SUPT3H: variants seen among roughly 807,000 people sequenced by gnomAD.
SUPT3H encodes the protein SPT3 homolog, SAGA and STAGA complex component.
Under a neutral mutation model 44.3 loss-of-function variants are expected in SUPT3H, and 44 were observed. The observed-to-expected ratio is 0.99, with a 90% CI of 0.78 to 1.28. The LOEUF is 1.28. SUPT3H is among the 50% of genes most tolerant of loss of function. The pLI, the probability that SUPT3H is intolerant of heterozygous loss-of-function variation, is 0.00. For synonymous variants in SUPT3H, 124 were observed against 125.6 expected, an observed-to-expected ratio of 0.99 and a Z score of 0.09; for missense variants, 380 against 387.1, an observed-to-expected ratio of 0.98 and a Z score of 0.15.
chr6:45,351,712 T>C (rs779205845), intron 2 of SUPT3H, among the ~76,000 whole-genome samples: 7 of 152,222 alleles, frequency 4.6e-5, no homozygotes, highest in Middle Eastern at 3.4e-3. Context: ...TTCTATTCTA[T>C]CCCTCCCAAC....
chr6:44,863,046 G>A (rs1307397845), intron 10 of SUPT3H, among the ~76,000 whole-genome samples: 1 of 152,010 alleles, frequency 6.6e-6, no homozygotes, highest in Non-Finnish European at 1.5e-5. Context: ...CCTAAAAACT[G>A]TTATAAAAAC....
At chr6:44,863,018 C>A (rs1774919214) in intron 10 of SUPT3H, among the ~76,000 whole-genome samples, 1 of 152,124 alleles carries the variant, frequency 6.6e-6, no homozygotes, top group South Asian at 2.1e-4. Flanking sequence ...TGTTAGGAAG[C>A]AAGAGAGCAA....
intron 11 of SUPT3H, among the ~76,000 whole-genome samples, chr6:44,812,902 CT>C (rs950925962): frequency 1.3e-5 from 2 of 152,092 alleles, no homozygotes; most frequent in Admixed American, 6.5e-5. Flanking sequence ...GCAATTTCCC[CT>C]TGAAGCATAT....
chr6:45,123,619 A>C (rs1801994003), intron 2 of SUPT3H, among the ~76,000 whole-genome samples: 1 of 152,106 alleles, frequency 6.6e-6, no homozygotes, highest in Non-Finnish European at 1.5e-5. Context: ...TATATATATA[A>C]TCTATTTTAA....
At chr6:44,912,355 A>T (rs757326495) in intron 10 of SUPT3H, among the ~76,000 whole-genome samples, 48 of 152,210 alleles carry the variant, frequency 3.2e-4, no homozygotes, top group Admixed American at 3.9e-4. Flanking sequence ...TGTCTGGCTT[A>T]TTTCACTTAG....
chr6:45,056,132 T>A (rs1188290407), intron 3 of SUPT3H, among the ~76,000 whole-genome samples: 1 of 152,098 alleles, frequency 6.6e-6, no homozygotes, highest in South Asian at 2.1e-4. Context: ...TGAGATACCA[T>A]GCCACTTTAC....
At chr6:44,847,958 CTTTTTTTTTTTTTT>C (rs969869912) in intron 10 of SUPT3H, among the ~76,000 whole-genome samples, 2 of 58,350 alleles carry the variant, frequency 3.4e-5, no homozygotes, top group African/African-American at 1.4e-4. Flanking sequence ...ATCTCTGTGT[CTTTTTTTTTTTTTT>C]TTTTTTTTTT....
chr6:45,333,272 A>T (rs1787881161), intron 2 of SUPT3H, among the ~76,000 whole-genome samples: 1 of 151,642 alleles, frequency 6.6e-6, no homozygotes, highest in South Asian at 2.1e-4. Flanking sequence ...CCTTATTAAA[A>T]GGGAGTTTCC....
intron 9 of SUPT3H, among the ~76,000 whole-genome samples, chr6:44,936,523 C>G (rs569502860): frequency 6.6e-6 from 1 of 152,256 alleles, no homozygotes; most frequent in East Asian, 1.9e-4. Context: ...CATTGTCTAT[C>G]ATTCCACACT....
chr6:44,880,901 C>T (rs1419351289), intron 10 of SUPT3H, among the ~76,000 whole-genome samples: 3 of 152,150 alleles, frequency 2.0e-5, no homozygotes, highest in South Asian at 2.1e-4. Flanking sequence ...ACCAGGCCTA[C>T]GTTACAAGAG....
chr6:44,809,756 G>A (rs556980057), intron 11 of SUPT3H, among the ~76,000 whole-genome samples: 2 of 152,078 alleles, frequency 1.3e-5, no homozygotes, highest in East Asian at 3.9e-4. Context: ...CTCCATAAAT[G>A]CCCCTCTTAA....
chr6:45,103,651 A>ATTCT (rs1354262182), intron 3 of SUPT3H, among the ~76,000 whole-genome samples: 2 of 152,200 alleles, frequency 1.3e-5, no homozygotes, highest in Non-Finnish European at 2.9e-5. Context: ...AGGGGCAGAA[A>ATTCT]AAGTTTGGAG....
At chr6:45,271,676 G>A (rs1776187054) in intron 2 of SUPT3H, among the ~76,000 whole-genome samples, 1 of 151,638 alleles carries the variant, frequency 6.6e-6, no homozygotes, top group South Asian at 2.1e-4. Context: ...TCCACACAGA[G>A]TACCTACTGC....
chr6:45,179,358 A>G (rs1233542714), intron 2 of SUPT3H, among the ~76,000 whole-genome samples: 2 of 152,136 alleles, frequency 1.3e-5, no homozygotes, highest in Admixed American at 1.3e-4. Context: ...AAAAGAGGGA[A>G]TCCTCCCTAA....
intron 2 of SUPT3H, among the ~76,000 whole-genome samples, chr6:45,318,819 T>G (rs1426191217): frequency 6.6e-6 from 1 of 152,122 alleles, no homozygotes; most frequent in East Asian, 1.9e-4. Context: ...CAAGAGATAG[T>G]GAAATAAATA....
intron 10 of SUPT3H, among the ~76,000 whole-genome samples, chr6:44,833,878 C>A (rs1226149468): frequency 1.3e-5 from 2 of 152,154 alleles, no homozygotes; most frequent in African/African-American, 4.8e-5. Flanking sequence ...GGGTAAATTA[C>A]AATTTTATTT....
At chr6:45,246,055 G>A (rs1275911117) in intron 2 of SUPT3H, among the ~76,000 whole-genome samples, 2 of 151,820 alleles carry the variant, frequency 1.3e-5, no homozygotes, top group Non-Finnish European at 2.9e-5. Context: ...ATTCTAATTG[G>A]CCACCTGTAT....
At chr6:45,057,491 A>G (rs1356539412) in intron 3 of SUPT3H, among the ~76,000 whole-genome samples, 1 of 152,154 alleles carries the variant, frequency 6.6e-6, no homozygotes, top group Non-Finnish European at 1.5e-5. Context: ...CTAAAAAAAC[A>G]AAAAACAAAA....
chr6:45,195,439 A>G (rs1815857944), intron 2 of SUPT3H, among the ~76,000 whole-genome samples: 1 of 152,154 alleles, frequency 6.6e-6, no homozygotes, highest in Non-Finnish European at 1.5e-5. Flanking sequence ...TTGTGCTTCT[A>G]TATCCAGTGG....
Sources: allele counts gnomAD v4.1 joint callset (sites outside exome capture counted in the v4.1 genomes callset), GRCh38; gene constraint gnomAD v4.1.1; transcripts MANE v1.5; gene names NCBI Gene and HGNC (gene_info 2026-07-23, HGNC 2026-07-21).